Variants in GTF3C4 observed in about 807,000 individuals in gnomAD.
The protein encoded by GTF3C4 is general transcription factor 3C polypeptide 4.
Under a neutral mutation model 67.5 loss-of-function variants are expected in GTF3C4, and 28 were observed. The observed-to-expected ratio is 0.41, with a 90% confidence interval of 0.31 to 0.57. The LOEUF is 0.57. Ranked by LOEUF, GTF3C4 falls within the 20% of genes least tolerant of loss-of-function variation. The pLI is 0.21. For synonymous variants in GTF3C4, 409 were observed against 393.0 expected (o/e 1.04, Z -0.48); for missense variants, 831 against 1,033.2 (o/e 0.80, Z 2.68).
intron 1 of GTF3C4, among the ~76,000 whole-genome samples, chr9:132,675,826 T>C (rs180686389): frequency 1.3e-3 from 195 of 152,256 alleles, no homozygotes; most frequent in African/African-American, 4.2e-3. Context: ...TTCATTTTAT[T>C]TGCTTATCTA....
chr9:132,682,726 T>G (rs1835965180), intron 2 of GTF3C4, among the ~76,000 whole-genome samples: 1 of 149,664 alleles, frequency 6.7e-6, no homozygotes, highest in Non-Finnish European at 1.5e-5. Context: ...TGCCTCAGCC[T>G]CCTGAGTAGC....
At chr9:132,681,515 G>A (rs1835943552) in intron 2 of GTF3C4, among the ~76,000 whole-genome samples, 1 of 152,132 alleles carries the variant, frequency 6.6e-6, no homozygotes, top group Non-Finnish European at 1.5e-5. Context: ...AGCCTAGTAT[G>A]CTAGTACAGT....
chr9:132,677,864 TAAG>T (rs1835884339), intron 1 of GTF3C4, 110 bp from the exon 2 acceptor site: 3 of 846,122 alleles, frequency 3.5e-6, no homozygotes, highest in African/African-American at 3.4e-5. Flanking sequence ...ATATTAATTC[TAAG>T]AAGAATATGG....
chr9:132,670,989 C>G, intron 1 of GTF3C4, 34 bp downstream of exon 1: 1 of 1,420,486 alleles, frequency 7.0e-7, no homozygotes, highest in Admixed American at 1.7e-5. Flanking sequence ...GGGGTCTTCC[C>G]CTGTCCCCCT....
chr9:132,672,368 A>C (rs1049878384), intron 1 of GTF3C4, among the ~76,000 whole-genome samples: 5 of 152,200 alleles, frequency 3.3e-5, no homozygotes, highest in African/African-American at 1.2e-4. Flanking sequence ...CTTATGGGGC[A>C]GGTCATCTGG....
intron 3 of GTF3C4, among the ~76,000 whole-genome samples, chr9:132,684,829 C>T (rs1472765815): frequency 1.3e-5 from 2 of 152,164 alleles, no homozygotes; most frequent in African/African-American, 4.8e-5. Context: ...ACCTTCCCCT[C>T]CCATTACTTT....
Position 132,678,977 on chromosome 9 carries a change from T to C in GTF3C4, c.1358T>C (p.Ile453Thr). The change falls in exon 2 of 5, where the codon ATT becomes ACT. Residue 453 changes from isoleucine (I) to threonine (T), a missense_variant. Around this residue, in one of 4 missense-constraint regions of GTF3C4, gnomAD observed 390 missense variants for 540.3 expected, o/e 0.72. Transcript: ENST00000372146. This position sits in a 1 kb window ranked among gnomAD's most constrained non-coding sequence, Gnocchi z 6.5. ...GGAAAGGTGAGGCAGCTGATTCCCA[T>C]TTTCACAGATGTTGCATTGAAGTTT... ...SDGKVRQLIP[I>T]FTDVALKFEH... The C allele has an allele frequency of 1.2e-6, 2 of 1,614,208 alleles. No individual in the cohort carries two copies. Among genetic ancestry groups the C allele is most frequent in the African/African-American group, 1.3e-5 (1 of 75,054 alleles).
At chr9:132,671,097 A>G in intron 1 of GTF3C4, 142 bp downstream of exon 1, 1 of 662,102 alleles carries the variant, frequency 1.5e-6, no homozygotes, top group Non-Finnish European at 2.6e-6. Flanking sequence ...TTAAGCAGCC[A>G]GGGTTACCAC....
Position 132,679,397 on chromosome 9 carries a change from C to T in GTF3C4, c.1778C>T (p.Ser593Leu). ...TATCAGTCAATGCAGAAAACCCCTT[C>T]AGAAGCCTTGTGGAAACCCACCCAT... ...ILYQSMQKTP[S>L]EALWKPTHED... Residue 593 changes from serine (S) to leucine (L), a missense_variant, in exon 2 of 5, where the codon TCA becomes TTA. Transcript: ENST00000372146. The surrounding 1 kb of genome is among the most constrained non-coding windows in gnomAD (Gnocchi z 5.9). The T allele has an allele frequency of 1.2e-6, 2 of 1,614,190 alleles. No individual in the cohort carries two copies. Among genetic ancestry groups the T allele is most frequent in the Non-Finnish European group, 1.7e-6 (2 of 1,180,032 alleles).
chr9:132,670,657 GGGA>G lies in GTF3C4; in HGVS notation c.68_70del (p.Glu23del). ...GCGGACGACGGGCCTGCGCCGTCTG[GGGA>G]GGAGGAGGGAGAGGGGGGCGGCGAG... On this transcript the variant is annotated inframe_deletion, in exon 1 of 5. Coordinates refer to ENST00000372146, the MANE Select transcript of GTF3C4 (RefSeq NM_012204.4). 1.3e-6 allele frequency: 2 copies of G among 1,491,608 alleles called. No individual in the cohort carries two copies. Among genetic ancestry groups the G allele is most frequent in the Non-Finnish European group, 1.8e-6 (2 of 1,130,086 alleles). 92.4% of individuals were successfully genotyped at this position (1,491,608 alleles called of 1,614,324 possible). A position where few individuals can be genotyped will look rare whatever the true frequency, so the allele number is the denominator to read the frequency against.
chr9:132,677,914 TA>T, intron 1 of GTF3C4, 62 bp from the exon 2 acceptor site: 1 of 1,344,092 alleles, frequency 7.4e-7, no homozygotes, highest in Non-Finnish European at 1.0e-6. Context: ...TGACTTATTT[TA>T]AAAAATTGCC....
At position 132,691,854 on chromosome 9, in the gene GTF3C4, A is replaced by C. The variant is rs781150666; in HGVS notation, c.*2909A>C. On this transcript the variant is annotated 3_prime_UTR_variant, in exon 5 of 5. Transcript: ENST00000372146. Reference sequence around the variant, plus strand: ...TGAGAATGTTAATGTTGAAGTATGCAGGCTGGACCTACCAGCAAGTTTAAC... The same window carrying C: ...TGAGAATGTTAATGTTGAAGTATGCCGGCTGGACCTACCAGCAAGTTTAAC... The C allele has an allele frequency of 6.6e-6, 1 of 152,260 alleles. No individual in the cohort carries two copies. Among genetic ancestry groups the C allele is most frequent in the Non-Finnish European group, 1.5e-5 (1 of 68,048 alleles). 9.4% of individuals were successfully genotyped at this position (152,260 alleles called of 1,614,324 possible). A position where few individuals can be genotyped will look rare whatever the true frequency, so the allele number is the denominator to read the frequency against.
At chr9:132,673,784 C>T (rs1007478228) in intron 1 of GTF3C4, among the ~76,000 whole-genome samples, 1 of 152,170 alleles carries the variant, frequency 6.6e-6, no homozygotes. Context: ...GCAGGAAAAT[C>T]TGCAGTTATG....
At chr9:132,677,847 C>G in intron 1 of GTF3C4, 130 bp from the exon 2 acceptor site, 1 of 749,204 alleles carries the variant, frequency 1.3e-6, no homozygotes, top group Non-Finnish European at 2.2e-6. Flanking sequence ...GTACATCTCT[C>G]TTGCATATAT....
rs918226771 is a variant in GTF3C4 at position 132,694,475 on chromosome 9, G to A, written c.*5530G>A. 3 of 152,202 alleles carry A rather than the reference G, an allele frequency of 2.0e-5. No homozygotes were observed. The highest frequency in any genetic ancestry group is 4.4e-5 in the Non-Finnish European group (3 of 68,048). The allele number at this position is 152,202 out of a possible 1,614,324, so 9.4% of individuals were successfully genotyped here. A position where few individuals can be genotyped will look rare whatever the true frequency, so the allele number is the denominator to read the frequency against. ...TGAACCAGATCATCCCACATCCTTAGCACTACTTAACCTTCTTTTCCTGAA... is the reference window on the plus strand; with the variant it reads ...TGAACCAGATCATCCCACATCCTTAACACTACTTAACCTTCTTTTCCTGAA... On this transcript the variant is annotated 3_prime_UTR_variant, in exon 5 of 5. Transcript: ENST00000372146.
At chr9:132,680,323 CT>C (rs1171239744) in intron 2 of GTF3C4, among the ~76,000 whole-genome samples, 3 of 152,214 alleles carry the variant, frequency 2.0e-5, no homozygotes, top group Non-Finnish European at 4.4e-5. Flanking sequence ...ACAGAACAAA[CT>C]TACCTAGAAT....
Position 132,683,550 on chromosome 9 carries a change from T to G in GTF3C4, c.2185-13T>G, listed in dbSNP as rs1267992144. ...ACTTACACTAAACTTTGCTGACTAC[T>G]TTGTCTTACTAGGTGCTGATTGGAC... On this transcript the variant is annotated splice_polypyrimidine_tract_variant and intron_variant, in intron 2 of 4. Coordinates refer to ENST00000372146, the MANE Select transcript of GTF3C4 (RefSeq NM_012204.4). 6.2e-7 allele frequency: 1 copy of G among 1,606,534 alleles called. No individual in the cohort carries two copies. Among genetic ancestry groups the G allele is most frequent in the South Asian group, 1.1e-5 (1 of 88,400 alleles).
rs142926692 is a variant in GTF3C4, at chr9:132,679,133, A to G, written c.1514A>G (p.Asn505Ser). ...ATGATCAACGGCCTCCACCCTGTTA[A>G]CAAAAACTACCAGGTCCAATTTGTT... is the stretch of plus-strand genomic sequence containing the variant. ...EGMINGLHPV[N>S]KNYQVQFVTL... The change falls in exon 2 of 5, where the codon AAC (asparagine) becomes AGC (serine). Residue 505 changes from asparagine (N) to serine (S), a missense_variant. Physicochemically the swap from Asn to Ser is conservative, Grantham distance 46 (BLOSUM62 1). This residue lies in a region of GTF3C4 where 390 missense variants were observed against 540.3 expected (regional missense o/e 0.72). Coordinates refer to ENST00000372146, the MANE Select transcript of GTF3C4 (RefSeq NM_012204.4). This position sits in a 1 kb window ranked among gnomAD's most constrained non-coding sequence, Gnocchi z 5.9. The G allele has an allele frequency of 1.8e-3, 2,859 of 1,614,234 alleles. 4 individuals carry two copies. The highest frequency in any genetic ancestry group is 2.2e-3 in the Non-Finnish European group (2,555 of 1,180,038).
In GTF3C4 at chr9:132,670,713, G is replaced by C; in HGVS notation, c.115G>C (p.Ala39Pro). 1 of 1,525,074 alleles carries C rather than the reference G, an allele frequency of 6.6e-7. No homozygotes were observed. The highest frequency in any genetic ancestry group is 1.2e-5 in the South Asian group (1 of 83,436). The allele number at this position is 1,525,074 out of a possible 1,614,324, so 94.5% of individuals were successfully genotyped here. ...EAGGKEPAADAAPGPSAAFRL... is the reference protein window; with the variant it reads ...EAGGKEPAADPAPGPSAAFRL... Reference sequence around the variant, plus strand: ...GGGCGGGAAGGAGCCAGCAGCGGACGCGGCCCCGGGGCCCAGCGCTGCATT... The same window carrying C: ...GGGCGGGAAGGAGCCAGCAGCGGACCCGGCCCCGGGGCCCAGCGCTGCATT... The change falls in exon 1 of 5, where the codon GCG becomes CCG. Residue 39 changes from alanine (A) to proline (P), a missense_variant. This residue lies in a region of GTF3C4 where 237 missense variants were observed against 212.7 expected (regional missense o/e 1.11). Transcript: ENST00000372146.
Sources: allele counts gnomAD v4.1 joint callset (sites outside exome capture counted in the v4.1 genomes callset), GRCh38; gene constraint gnomAD v4.1.1; regional missense constraint gnomAD v4.1.1; non-coding constraint Gnocchi (gnomAD v3.1); transcripts MANE v1.5; gene names NCBI Gene and HGNC (gene_info 2026-07-23, HGNC 2026-07-21).